SPATA13: variants seen among roughly 807,000 people sequenced by gnomAD.
SPATA13 encodes the protein spermatogenesis-associated protein 13.
Under a neutral mutation model 104.0 loss-of-function variants are expected in SPATA13, and 50 were observed. That is an observed-to-expected ratio of 0.48 (90% CI 0.38 to 0.61). SPATA13 has a LOEUF of 0.61. Ranked by LOEUF, SPATA13 falls within the 20% of genes least tolerant of loss-of-function variation. SPATA13 has a pLI of 0.00. For synonymous variants in SPATA13, 606 were observed against 667.5 expected, an observed-to-expected ratio of 0.91 and a Z score of 1.42; for missense variants, 1,524 against 1,690.6, an observed-to-expected ratio of 0.90 and a Z score of 1.73.
intron 3 of SPATA13, among the ~76,000 whole-genome samples, chr13:24,050,257 T>C (rs539484531): frequency 1.1e-3 from 163 of 152,254 alleles, no homozygotes; most frequent in African/African-American, 3.8e-3. Flanking sequence ...TAATAGATAT[T>C]AAAAAATAGA....
At chr13:24,143,457 C>G (rs1881828101) in intron 3 of SPATA13, among the ~76,000 whole-genome samples, 1 of 152,182 alleles carries the variant, frequency 6.6e-6, no homozygotes, top group Non-Finnish European at 1.5e-5. Context: ...TGGCAGTGCT[C>G]TCATTCCTAT....
At chr13:24,070,274 G>A (rs1363882802) in intron 3 of SPATA13, among the ~76,000 whole-genome samples, 1 of 152,170 alleles carries the variant, frequency 6.6e-6, no homozygotes, top group Non-Finnish European at 1.5e-5. Context: ...AGAAATGTCC[G>A]AGGAAATTAG....
intron 3 of SPATA13, among the ~76,000 whole-genome samples, chr13:24,150,347 T>G (rs1882061962): frequency 6.6e-6 from 1 of 152,148 alleles, no homozygotes; most frequent in South Asian, 2.1e-4. Flanking sequence ...GCCTGCAGCC[T>G]CAGTGGCATG....
At chr13:24,004,001 T>C (rs1402435933) in intron 2 of SPATA13, among the ~76,000 whole-genome samples, 1 of 152,212 alleles carries the variant, frequency 6.6e-6, no homozygotes, top group African/African-American at 2.4e-5. Context: ...ACAGCACTTA[T>C]TACTATTGTC....
At chr13:24,259,342 C>T (rs1457417001) in intron 4 of SPATA13, among the ~76,000 whole-genome samples, 1 of 152,234 alleles carries the variant, frequency 6.6e-6, no homozygotes, top group Admixed American at 6.5e-5. Context: ...ACCTGCCATC[C>T]CCAAAACAGC....
At position 24,160,729 on chromosome 13, in the gene SPATA13, G is replaced by T. The variant is rs903282837; in HGVS notation, c.-315G>T. The T allele has an allele frequency of 6.1e-6, 6 of 985,598 alleles. No homozygotes were observed. Among genetic ancestry groups the T allele is most frequent in the East Asian group, 1.1e-4 (1 of 8,800 alleles). The allele number at this position is 985,598 out of a possible 1,614,324, so 61.1% of individuals were successfully genotyped here. A position where few individuals can be genotyped will look rare whatever the true frequency, so the allele number is the denominator to read the frequency against. On this transcript the variant is annotated 5_prime_UTR_variant, in exon 1 of 13. Coordinates refer to ENST00000382108, the MANE Select transcript of SPATA13 (RefSeq NM_001166271.3). ...GGGGCGTGGCTTGGCTGAGTGTGCTGCCGCGGCGCGGGAGGAGAGTGTGCG... is the reference window on the plus strand; with the variant it reads ...GGGGCGTGGCTTGGCTGAGTGTGCTTCCGCGGCGCGGGAGGAGAGTGTGCG...
In SPATA13 at chr13:24,292,595, A is replaced by G. The variant is rs530849894; in HGVS notation, c.3080+1711A>G. ...CAGGAGGAAATTTCTATGGCAAACC[A>G]CAACAGTTCTGGGTTTCAGCAGCTA... On this transcript the variant is annotated intron_variant, in intron 9 of 12. Coordinates refer to ENST00000382108, the MANE Select transcript of SPATA13 (RefSeq NM_001166271.3). 1.6e-4 allele frequency among the ~76,000 whole-genome samples: 25 copies of G among 152,322 alleles called. No homozygotes were observed. In the South Asian group the frequency reaches 5.2e-3, roughly 32 times the overall value.
At chr13:23,991,543 C>T (rs1875417238) in intron 2 of SPATA13, among the ~76,000 whole-genome samples, 1 of 152,134 alleles carries the variant, frequency 6.6e-6, no homozygotes, top group South Asian at 2.1e-4. Flanking sequence ...CTTCATGCTG[C>T]AAAGTTAGCG....
chr13:24,038,932 C>T (rs1395171976), intron 3 of SPATA13, among the ~76,000 whole-genome samples: 3 of 152,348 alleles, frequency 2.0e-5, no homozygotes, highest in Non-Finnish European at 4.4e-5. Context: ...GAAACCTGCT[C>T]ATCCCAGGCA....
chr13:24,058,751 T>C (rs1878663213), intron 3 of SPATA13, among the ~76,000 whole-genome samples: 1 of 151,834 alleles, frequency 6.6e-6, no homozygotes, highest in Non-Finnish European at 1.5e-5. Flanking sequence ...TTTCTTATGA[T>C]TTATGTTGGG....
In SPATA13 at chr13:24,290,839, C is replaced by T. The variant is rs375839910; in HGVS notation, c.3035C>T (p.Pro1012Leu). The T allele has an allele frequency of 2.0e-5, 32 of 1,614,008 alleles. No homozygotes were observed. The highest frequency in any genetic ancestry group is 2.6e-5 in the Non-Finnish European group (31 of 1,180,026). Reference protein sequence around the residue: ...LTPVQKICKYPLQLAELLKYT... With the variant: ...LTPVQKICKYLLQLAELLKYT... ...CCAGTGCAGAAGATCTGCAAATACCCGCTGCAGCTGGCCGAGCTGCTCAAG... is the reference window on the plus strand; with the variant it reads ...CCAGTGCAGAAGATCTGCAAATACCTGCTGCAGCTGGCCGAGCTGCTCAAG... Residue 1012 changes from proline (P) to leucine (L), a missense_variant, in exon 9 of 13, where the codon CCG becomes CTG. By Grantham distance (98) the Pro-to-Leu change is moderately conservative. Around this residue, in one of 2 missense-constraint regions of SPATA13, gnomAD observed 435 missense variants for 554.8 expected, o/e 0.78. Coordinates refer to ENST00000382108, the MANE Select transcript of SPATA13 (RefSeq NM_001166271.3).
intron 3 of SPATA13, among the ~76,000 whole-genome samples, chr13:24,035,819 G>C (rs549922930): frequency 3.0e-4 from 46 of 152,194 alleles, no homozygotes; most frequent in African/African-American, 1.0e-3. Flanking sequence ...TTTGAGACCA[G>C]CCTGGCTAAC....
At position 24,302,599 on chromosome 13, in the gene SPATA13, C is replaced by A; in HGVS notation, c.3660C>A (p.Gly1220=). 6.2e-7 allele frequency: 1 copy of A among 1,602,928 alleles called. No individual in the cohort carries two copies. The highest frequency in any genetic ancestry group is 8.5e-7 in the Non-Finnish European group (1 of 1,173,216). ...AQKAGHGKSK[G]YNRCPVAPPH... is the part of the protein sequence containing the mutation. ...CATCTCTCTCCCCTCCCGAGTCAGG[C>A]TACAACAGGTGCCCTGTGGCCCCAC... The change falls in exon 13 of 13, where the codon GGC becomes GGA. Residue 1220 remains glycine (G), a splice_region_variant and synonymous_variant. Coordinates refer to ENST00000382108, the MANE Select transcript of SPATA13 (RefSeq NM_001166271.3).
intron 4 of SPATA13, among the ~76,000 whole-genome samples, chr13:24,260,671 G>A (rs550285697): frequency 1.2e-4 from 19 of 152,164 alleles, no homozygotes; most frequent in Non-Finnish European, 2.6e-4. Flanking sequence ...TATCAAATTA[G>A]GTGAGAATTG....
At chr13:24,188,811 A>G (rs752568346) in intron 1 of SPATA13, among the ~76,000 whole-genome samples, 11 of 152,192 alleles carry the variant, frequency 7.2e-5, no homozygotes, top group Non-Finnish European at 1.3e-4. Context: ...TCAGAGCTTC[A>G]AAGGACACAA....
chr13:24,000,114 G>T (rs1410371326), intron 2 of SPATA13, among the ~76,000 whole-genome samples: 1 of 152,198 alleles, frequency 6.6e-6, no homozygotes, highest in Non-Finnish European at 1.5e-5. Context: ...AACCTAGTGG[G>T]AGGGTTAGAT....
chr13:24,017,794 T>C (rs1035968661), intron 3 of SPATA13: 2 of 705,100 alleles, frequency 2.8e-6, no homozygotes, highest in African/African-American at 3.9e-5. Context: ...AATCTGTATG[T>C]TAACTCCGTA....
At chr13:24,114,520 A>G (rs953161187) in intron 3 of SPATA13, among the ~76,000 whole-genome samples, 4 of 152,212 alleles carry the variant, frequency 2.6e-5, no homozygotes, top group South Asian at 4.1e-4. Flanking sequence ...TTGGCATCTC[A>G]GGCTGTCAAC....
intron 3 of SPATA13, among the ~76,000 whole-genome samples, chr13:24,047,191 G>T (rs9580849): frequency 0.48 from 72,555 of 152,006 alleles, 18,051 homozygotes; most frequent in African/African-American, 0.61. Context: ...GAATGCAGAA[G>T]TCTGAAAAAC....
Sources: gnomAD v4.1 joint callset for allele counts (sites outside exome capture counted in the v4.1 genomes callset) on GRCh38, gnomAD v4.1.1 for gene constraint, gnomAD v4.1.1 regional missense constraint, MANE v1.5 for transcripts, NCBI Gene and HGNC (gene_info 2026-07-23, HGNC 2026-07-21) for gene names.